ICE2: variants seen among roughly 807,000 people sequenced by gnomAD.
ICE2 encodes the protein little elongation complex subunit 2.
Under a neutral mutation model 105.4 loss-of-function variants are expected in ICE2, and 87 were observed. The observed-to-expected ratio is 0.83, with a 90% CI of 0.69 to 0.99. ICE2 has a LOEUF of 0.99. Among genes scored for constraint, ICE2 ranks in the 50% least tolerant of loss-of-function variants. ICE2 has a pLI of 0.00. For synonymous variants in ICE2, 399 were observed against 392.0 expected (o/e 1.02, Z -0.21); for missense variants, 1,323 against 1,146.7 (o/e 1.15, Z -2.22).
intron 14 of ICE2, among the ~76,000 whole-genome samples, chr15:60,431,654 T>A (rs148462985): frequency 3.3e-5 from 5 of 152,326 alleles, no homozygotes; most frequent in African/African-American, 9.6e-5. Flanking sequence ...AGAATCAATC[T>A]GTTTTGTTTC....
At chr15:60,474,536 G>C (rs1377949081) in intron 3 of ICE2, among the ~76,000 whole-genome samples, 1 of 152,136 alleles carries the variant, frequency 6.6e-6, no homozygotes, top group Non-Finnish European at 1.5e-5. Flanking sequence ...AAGTGTAGTA[G>C]GATGTGCAGT....
At chr15:60,445,492 G>A (rs757973877) in intron 11 of ICE2, 12 of 815,072 alleles carry the variant, frequency 1.5e-5, no homozygotes, top group East Asian at 1.2e-4. Flanking sequence ...ATATAATAAC[G>A]GGGGCAATGT....
chr15:60,443,135 C>G (rs868195088), intron 11 of ICE2: 2 of 152,196 alleles, frequency 1.3e-5, no homozygotes, highest in Admixed American at 6.5e-5. Context: ...AATTATCCAT[C>G]CAAATTCACT....
Position 60,436,216 on chromosome 15 carries a change from C to A in ICE2, c.2437G>T (p.Ala813Ser), listed in dbSNP as rs781411632. The A allele has an allele frequency of 3.0e-6, 4 of 1,348,998 alleles. No homozygotes were observed. In the South Asian group the frequency reaches 5.9e-5, roughly 20 times the overall value. 83.6% of individuals were successfully genotyped at this position (1,348,998 alleles called of 1,614,324 possible). Residue 813 changes from alanine (A) to serine (S), a missense_variant, in exon 13 of 16, where the codon GCA becomes TCA. By Grantham distance (99) the Ala-to-Ser change is moderately conservative (BLOSUM62 1). Coordinates refer to ENST00000261520, the MANE Select transcript of ICE2 (RefSeq NM_024611.6). ...NSSFYVGHID[A>S]FTSKLFLLEE... Reference sequence around the variant, plus strand: ...AGTAGAAAAAGTTTTGAAGTAAATGCATCGATATGCCCTAAAATAAAATAT... The same window carrying A: ...AGTAGAAAAAGTTTTGAAGTAAATGAATCGATATGCCCTAAAATAAAATAT...
At chr15:60,472,923 G>GT (rs940487213) in intron 3 of ICE2, among the ~76,000 whole-genome samples, 1 of 151,918 alleles carries the variant, frequency 6.6e-6, no homozygotes, top group Non-Finnish European at 1.5e-5. Flanking sequence ...CAAATAAGTT[G>GT]TTTTTTTGTT....
chr15:60,429,608 C>T (rs571565276), intron 14 of ICE2, among the ~76,000 whole-genome samples: 23 of 152,230 alleles, frequency 1.5e-4, no homozygotes, highest in Non-Finnish European at 2.4e-4. Flanking sequence ...AGGAGAACAT[C>T]GGTTCTTTAC....
Position 60,428,657 on chromosome 15 carries a change from A to C in ICE2, c.2592T>G (p.His864Gln). Residue 864 changes from histidine (H) to glutamine (Q), a missense_variant, in exon 15 of 16, where the codon CAT (histidine) becomes CAG (glutamine). Transcript: ENST00000261520. ...TCAGGAGTGAAGAATCTTCTGCTGC[A>C]TGAGATAACAAGTAGGAACCCTCCT... ...SLQEGSYLLS[H>Q]AAEDSSLLIY... 1 of 1,614,114 alleles carries C rather than the reference A, an allele frequency of 6.2e-7. No individual in the cohort carries two copies. The highest frequency in any genetic ancestry group is 8.5e-7 in the Non-Finnish European group (1 of 1,179,976).
rs1234980533 is a variant in ICE2 at position 60,420,385 on chromosome 15, TTAC to T, written c.*3246_*3248del. On this transcript the variant is annotated 3_prime_UTR_variant, in exon 16 of 16. Transcript: ENST00000261520. The stretch of plus-strand genomic sequence containing the variant: ...ATTCTGGGCCATTGCCATTTTTCAG[TTAC>T]TACAACACAGGCTCCCAACATTTCT... 1 of 152,162 alleles carries T rather than the reference TTAC, an allele frequency of 6.6e-6. No homozygotes were observed. The highest frequency in any genetic ancestry group is 1.5e-5 in the Non-Finnish European group (1 of 68,048). 9.4% of individuals were successfully genotyped at this position (152,162 alleles called of 1,614,324 possible).
At chr15:60,463,599 C>T (rs542519171) in intron 5 of ICE2, among the ~76,000 whole-genome samples, 1 of 152,118 alleles carries the variant, frequency 6.6e-6, no homozygotes, top group Non-Finnish European at 1.5e-5. Context: ...ACGGTGAAAC[C>T]CCATTTCTAC....
chr15:60,458,332 G>A (rs932371032), intron 5 of ICE2, among the ~76,000 whole-genome samples: 1 of 151,892 alleles, frequency 6.6e-6, no homozygotes, highest in African/African-American at 2.4e-5. Context: ...AATATCTTGA[G>A]AATTAAATAC....
chr15:60,471,035 C>T (rs2064579341), intron 3 of ICE2, among the ~76,000 whole-genome samples: 3 of 152,030 alleles, frequency 2.0e-5, no homozygotes, highest in South Asian at 4.1e-4. Flanking sequence ...CTTTATAATA[C>T]TAGAATAAAT....
intron 9 of ICE2, chr15:60,451,001 G>C (rs145956181): frequency 1.8e-5 from 4 of 216,782 alleles, no homozygotes; most frequent in African/African-American, 9.3e-5. Context: ...GAATAGCAAT[G>C]AAAGTGTTAG....
At chr15:60,459,746 G>A (rs1413052016) in intron 5 of ICE2, among the ~76,000 whole-genome samples, 2 of 152,158 alleles carry the variant, frequency 1.3e-5, no homozygotes, top group African/African-American at 2.4e-5. Flanking sequence ...TATTGTTTGG[G>A]AGGCTAGTTG....
chr15:60,463,284 T>C (rs1228567628), intron 5 of ICE2, among the ~76,000 whole-genome samples: 2 of 152,246 alleles, frequency 1.3e-5, no homozygotes, highest in East Asian at 1.9e-4. Flanking sequence ...TTAAGAGTAC[T>C]GCTTAGAATA....
intron 5 of ICE2, among the ~76,000 whole-genome samples, chr15:60,458,594 C>T (rs549855479): frequency 6.6e-6 from 1 of 152,086 alleles, no homozygotes; most frequent in Non-Finnish European, 1.5e-5. Flanking sequence ...AAACGTAAGA[C>T]TTCTACATTT....
At chr15:60,440,506 A>C (rs2063696632) in intron 12 of ICE2, 1 of 152,202 alleles carries the variant, frequency 6.6e-6, no homozygotes, top group Admixed American at 6.5e-5. Context: ...GCAAACAAAC[A>C]AATCACAAGT....
chr15:60,449,208 T>C lies in ICE2; in HGVS notation c.1759A>G (p.Asn587Asp). ...ACAACAGCTGTCTTTCCATCACTATTATTTTTACATTCTGTATCAATGATT... is the reference window on the plus strand; with the variant it reads ...ACAACAGCTGTCTTTCCATCACTATCATTTTTACATTCTGTATCAATGATT... ...CLIIDTECKNNSDGKTAVVGS... is the reference protein window; with the variant it reads ...CLIIDTECKNDSDGKTAVVGS... Residue 587 changes from asparagine (N) to aspartate (D), a missense_variant, in exon 10 of 16, where the codon AAT (asparagine) becomes GAT (aspartate). By Grantham distance (23) the Asn-to-Asp change is conservative. Transcript: ENST00000261520. The C allele has an allele frequency of 6.2e-7, 1 of 1,614,116 alleles. No homozygotes were observed. Among genetic ancestry groups the C allele is most frequent in the Admixed American group, 1.7e-5 (1 of 60,022 alleles).
At position 60,454,987 on chromosome 15, in the gene ICE2, A is replaced by G; in HGVS notation, c.943+16T>C. On this transcript the variant is annotated intron_variant, in intron 8 of 15. Transcript: ENST00000261520. ...CTCTTTTTTGAGAGCATTATTTGAC[A>G]TAGCAAATTACAAACCTGCAACAGG... 2 of 1,530,292 alleles carry G rather than the reference A, an allele frequency of 1.3e-6. No homozygotes were observed. The highest frequency in any genetic ancestry group is 1.7e-6 in the Non-Finnish European group (2 of 1,148,434). The allele number at this position is 1,530,292 out of a possible 1,614,324, so 94.8% of individuals were successfully genotyped here.
rs973149529 is a variant in ICE2 at position 60,464,929 on chromosome 15, A to G, written c.528+1665T>C. On this transcript the variant is annotated intron_variant, in intron 5 of 15. Transcript: ENST00000261520. ...GAGCTGGGGAGGATCACTTGAACCC[A>G]GGAATTCAAGGCTGCAGTGAGCTAG... 4.6e-5 allele frequency among the ~76,000 whole-genome samples: 7 copies of G among 152,276 alleles called. No individual in the cohort carries two copies. In the East Asian group the frequency reaches 1.4e-3, roughly 29 times the overall value.
Sources: allele counts gnomAD v4.1 joint callset (sites outside exome capture counted in the v4.1 genomes callset), GRCh38; gene constraint gnomAD v4.1.1; transcripts MANE v1.5; gene names NCBI Gene and HGNC (gene_info 2026-07-23, HGNC 2026-07-21).